GNG12: variants seen among roughly 807,000 people sequenced by gnomAD.
GNG12 encodes the protein G protein subunit gamma 12.
For missense variants in GNG12, 69 were observed against 83.8 expected (o/e 0.82, Z 0.69); for synonymous variants, 28 against 29.7 (o/e 0.94, Z 0.19).
chr1:67,807,854 T>G, intron 1 of GNG12, among the ~76,000 whole-genome samples: 1 of 152,162 alleles, frequency 6.6e-6, no homozygotes, highest in East Asian at 1.9e-4. Flanking sequence ...CAAGTTCAGA[T>G]GGATTCACTT....
At chr1:67,814,186 A>C (rs1646941123) in intron 1 of GNG12, among the ~76,000 whole-genome samples, 1 of 151,360 alleles carries the variant, frequency 6.6e-6, no homozygotes. Flanking sequence ...TAAAGTAAAC[A>C]AAAAAAAATT....
At chr1:67,801,775 C>T (rs764621167) in intron 1 of GNG12, among the ~76,000 whole-genome samples, 5 of 152,138 alleles carry the variant, frequency 3.3e-5, no homozygotes, top group Non-Finnish European at 7.3e-5. Flanking sequence ...ATGATTATTA[C>T]GTTCCGTATC....
At chr1:67,787,313 G>C (rs1646776647) in intron 1 of GNG12, among the ~76,000 whole-genome samples, 1 of 152,072 alleles carries the variant, frequency 6.6e-6, no homozygotes, top group East Asian at 1.9e-4. Flanking sequence ...GTAAGGTAGA[G>C]GGAACAGCTT....
At chr1:67,799,635 T>C (rs1345684791) in intron 1 of GNG12, among the ~76,000 whole-genome samples, 2 of 152,168 alleles carry the variant, frequency 1.3e-5, no homozygotes, top group South Asian at 2.1e-4. Flanking sequence ...CCCTAAAAAA[T>C]TGATAATCCC....
intron 2 of GNG12, among the ~76,000 whole-genome samples, chr1:67,735,535 G>T (rs1163568803): frequency 6.6e-6 from 1 of 152,222 alleles, no homozygotes; most frequent in Non-Finnish European, 1.5e-5. Context: ...AGTGGCAACA[G>T]TCTCTACATC....
At chr1:67,717,928 A>G (rs1646335778) in intron 2 of GNG12, among the ~76,000 whole-genome samples, 1 of 152,214 alleles carries the variant, frequency 6.6e-6, no homozygotes, top group African/African-American at 2.4e-5. Context: ...TCATTCGCTC[A>G]TTTGTAAAAT....
At position 67,714,618 on chromosome 1, in the gene GNG12, C is replaced by T. The variant is rs535731218; in HGVS notation, c.-26-6906G>A. On this transcript the variant is annotated intron_variant, in intron 2 of 3. Transcript: ENST00000370982. ...TTTGCATTCCTCAATGGACTGGAGC[C>T]AGGCAGCAGTTCTACCCTCCTCCTA... is the stretch of plus-strand genomic sequence containing the variant. Among the ~76,000 whole-genome samples the T allele has an allele frequency of 1.6e-4, 24 of 152,306 alleles. No homozygotes were observed. The South Asian group carries it at 4.6e-3, about 29-fold the overall frequency.
At chr1:67,708,878 G>A (rs1646265236) in intron 2 of GNG12, among the ~76,000 whole-genome samples, 1 of 152,160 alleles carries the variant, frequency 6.6e-6, no homozygotes, top group Non-Finnish European at 1.5e-5. Flanking sequence ...CAACCTTTTG[G>A]AGAGGCTACA....
Position 67,702,726 on chromosome 1 carries a change from C to T in GNG12, c.*2725G>A, listed in dbSNP as rs3171009. 1 of 151,936 alleles carries T rather than the reference C, an allele frequency of 6.6e-6. No homozygotes were observed. The highest frequency in any genetic ancestry group is 2.1e-4 in the South Asian group (1 of 4,808). 9.4% of individuals were successfully genotyped at this position (151,936 alleles called of 1,614,324 possible). ...CGGAGTCATGAAATCATGCCGTGGT[C>T]CTGAGGCCTCAACTGGACAGATTTA... On this transcript the variant is annotated 3_prime_UTR_variant, in exon 4 of 4. Coordinates refer to ENST00000370982, the MANE Select transcript of GNG12 (RefSeq NM_018841.6).
intron 1 of GNG12, among the ~76,000 whole-genome samples, chr1:67,814,548 A>C (rs922301719): frequency 6.6e-5 from 10 of 152,208 alleles, no homozygotes; most frequent in African/African-American, 2.4e-4. Flanking sequence ...AATTTACATA[A>C]GTGATTGCTG....
intron 1 of GNG12, among the ~76,000 whole-genome samples, chr1:67,808,763 GAAAACTATAA>G (rs1176136819): frequency 6.6e-6 from 1 of 152,074 alleles, no homozygotes. Flanking sequence ...TCTGTATAAG[GAAAACTATAA>G]AATGCTGATG....
chr1:67,763,922 G>A (rs1016207043), intron 2 of GNG12, among the ~76,000 whole-genome samples: 1 of 152,190 alleles, frequency 6.6e-6, no homozygotes, highest in South Asian at 2.1e-4. Flanking sequence ...CTCCATGTCA[G>A]GCTAACAAGC....
chr1:67,771,953 T>C (rs1646677455), intron 2 of GNG12, among the ~76,000 whole-genome samples: 1 of 152,230 alleles, frequency 6.6e-6, no homozygotes, highest in Admixed American at 6.5e-5. Flanking sequence ...GATGTCACTG[T>C]GTCTGTTCCA....
chr1:67,745,828 T>C (rs1038950813), intron 2 of GNG12, among the ~76,000 whole-genome samples: 1 of 152,214 alleles, frequency 6.6e-6, no homozygotes, highest in African/African-American at 2.4e-5. Flanking sequence ...TTTTCCTTGT[T>C]TGTTACTTGT....
chr1:67,744,067 A>T (rs577821263), intron 2 of GNG12, among the ~76,000 whole-genome samples: 15 of 152,290 alleles, frequency 9.8e-5, no homozygotes, highest in African/African-American at 3.4e-4. Context: ...ACGAACAATA[A>T]ATGTAACAGT....
chr1:67,764,377 AT>A (rs1646623915), intron 2 of GNG12, among the ~76,000 whole-genome samples: 1 of 152,192 alleles, frequency 6.6e-6, no homozygotes, highest in Non-Finnish European at 1.5e-5. Flanking sequence ...CTTACTAAAA[AT>A]ACGAACCCTT....
Position 67,822,734 on chromosome 1 carries a change from T to C in GNG12, c.-77+10610A>G, listed in dbSNP as rs1023462068. On this transcript the variant is annotated intron_variant, in intron 1 of 3. Coordinates refer to ENST00000370982, the MANE Select transcript of GNG12 (RefSeq NM_018841.6). The stretch of plus-strand genomic sequence containing the variant: ...TTAAAAATTATTTTTGTTTTTTTGC[T>C]TTTTTTTTGTTTTTTGATGGAGATA... 3.9e-5 allele frequency among the ~76,000 whole-genome samples: 3 copies of C among 77,632 alleles called. No homozygotes were observed. In the East Asian group the frequency reaches 9.6e-4, roughly 25 times the overall value. 50.9% of individuals were successfully genotyped at this position (77,632 alleles called of 152,430 possible). A position where few individuals can be genotyped will look rare whatever the true frequency, so the allele number is the denominator to read the frequency against.
intron 1 of GNG12, among the ~76,000 whole-genome samples, chr1:67,826,967 G>T (rs1042997926): frequency 6.6e-6 from 1 of 152,224 alleles, no homozygotes; most frequent in African/African-American, 2.4e-5. Flanking sequence ...GCCATCTGAA[G>T]CTAAATAAAA....
intron 2 of GNG12, among the ~76,000 whole-genome samples, chr1:67,741,319 G>T (rs1420443592): frequency 6.6e-6 from 1 of 152,170 alleles, no homozygotes; most frequent in Non-Finnish European, 1.5e-5. Flanking sequence ...CATGGCCACC[G>T]CCTTCTTGTG....
Sources: allele counts gnomAD v4.1 joint callset (sites outside exome capture counted in the v4.1 genomes callset), GRCh38; gene constraint gnomAD v4.1.1; transcripts MANE v1.5; gene names NCBI Gene and HGNC (gene_info 2026-07-23, HGNC 2026-07-21).